NTNG1: variants seen among roughly 807,000 people sequenced by gnomAD.
The protein encoded by NTNG1 is netrin G1, also known as netrin-G1.
Under a neutral mutation model 54.0 loss-of-function variants are expected in NTNG1, and 16 were observed. The observed-to-expected ratio is 0.30, with a 90% CI of 0.20 to 0.45. The LOEUF (loss-of-function observed/expected upper bound fraction) is 0.45. Ranked by LOEUF, NTNG1 falls within the 20% of genes least tolerant of loss-of-function variation. The probability of loss-of-function intolerance (pLI) is 1.00; values close to 1 mark genes in which losing one functional copy is unlikely to be tolerated. For missense variants in NTNG1, 530 were observed against 678.7 expected (o/e 0.78, Z 2.43); for synonymous variants, 255 against 263.1 (o/e 0.97, Z 0.30).
intron 7 of NTNG1, among the ~76,000 whole-genome samples, chr1:107,441,154 A>G (rs1432762104): frequency 2.6e-5 from 4 of 152,154 alleles, no homozygotes; most frequent in African/African-American, 9.6e-5. Context: ...TATATAAAAT[A>G]TGAAGGGTTA....
chr1:107,295,790 GACAGAATC>G (rs1665909868), intron 2 of NTNG1, among the ~76,000 whole-genome samples: 1 of 152,118 alleles, frequency 6.6e-6, no homozygotes, highest in East Asian at 1.9e-4. Flanking sequence ...AGTAAATGAT[GACAGAATC>G]AAGAATCAAA....
intron 3 of NTNG1, among the ~76,000 whole-genome samples, chr1:107,379,948 C>T (rs1017600493): frequency 2.0e-5 from 3 of 152,182 alleles, no homozygotes; most frequent in Admixed American, 6.5e-5. Context: ...GGAAAAAATA[C>T]TGGAGTATTT....
chr1:107,415,553 G>A (rs751995043), intron 5 of NTNG1, among the ~76,000 whole-genome samples: 2 of 152,050 alleles, frequency 1.3e-5, no homozygotes, highest in South Asian at 2.1e-4. Context: ...CCTCAGTGGC[G>A]GAACGGGGAT....
intron 3 of NTNG1, among the ~76,000 whole-genome samples, chr1:107,358,434 G>A (rs1398282715): frequency 6.6e-6 from 1 of 151,636 alleles, no homozygotes; most frequent in Non-Finnish European, 1.5e-5. Context: ...ATTTGGTCAC[G>A]AGTGGGGGTT....
intron 2 of NTNG1, among the ~76,000 whole-genome samples, chr1:107,226,676 C>A (rs1034272252): frequency 6.6e-6 from 1 of 152,100 alleles, no homozygotes; most frequent in African/African-American, 2.4e-5. Flanking sequence ...CTTTGACTGT[C>A]TATACTTTCA....
At chr1:107,155,541 A>G (rs1654925344) in intron 2 of NTNG1, among the ~76,000 whole-genome samples, 1 of 152,042 alleles carries the variant, frequency 6.6e-6, no homozygotes, top group African/African-American at 2.4e-5. Context: ...GCACCTCATT[A>G]GATCTTATTG....
chr1:107,453,620 C>T (rs1300828982), intron 7 of NTNG1, among the ~76,000 whole-genome samples: 6 of 152,150 alleles, frequency 3.9e-5, no homozygotes, highest in Non-Finnish European at 7.3e-5. Flanking sequence ...CTGCTGACTA[C>T]GTCTTTCTTT....
intron 2 of NTNG1, among the ~76,000 whole-genome samples, chr1:107,226,085 T>C (rs988704959): frequency 6.6e-6 from 1 of 152,176 alleles, no homozygotes; most frequent in Non-Finnish European, 1.5e-5. Context: ...CAAAGTTATA[T>C]AGCTTGTGAG....
intron 2 of NTNG1, among the ~76,000 whole-genome samples, chr1:107,159,973 TA>T (rs1214106174): frequency 3.3e-5 from 5 of 152,316 alleles, no homozygotes; most frequent in East Asian, 1.9e-4. Flanking sequence ...ATTCATCATG[TA>T]AAAAACAGAA....
intron 3 of NTNG1, among the ~76,000 whole-genome samples, chr1:107,348,256 G>T (rs1347521393): frequency 5.9e-5 from 9 of 152,052 alleles, no homozygotes; most frequent in African/African-American, 1.9e-4. Context: ...CTCCTGAGTA[G>T]CTGGGACAAC....
chr1:107,361,824 A>G (rs985169449), intron 3 of NTNG1, among the ~76,000 whole-genome samples: 20 of 152,342 alleles, frequency 1.3e-4, no homozygotes, highest in African/African-American at 4.1e-4. Context: ...AATAATCTGA[A>G]GAAAGAGTGT....
chr1:107,466,497 C>T (rs1677618344), intron 7 of NTNG1, among the ~76,000 whole-genome samples: 1 of 152,120 alleles, frequency 6.6e-6, no homozygotes, highest in Admixed American at 6.5e-5. Flanking sequence ...ACTCCCTATT[C>T]ATATAAAAGT....
intron 2 of NTNG1, among the ~76,000 whole-genome samples, chr1:107,300,095 C>T (rs1329368617): frequency 6.6e-6 from 1 of 152,124 alleles, no homozygotes; most frequent in Non-Finnish European, 1.5e-5. Context: ...TATAGCAAAA[C>T]AAGAATGCGG....
intron 2 of NTNG1, among the ~76,000 whole-genome samples, chr1:107,280,763 T>C (rs2101725564): frequency 6.6e-6 from 1 of 151,766 alleles, no homozygotes; most frequent in African/African-American, 2.4e-5. Flanking sequence ...GGACCACAAA[T>C]GCCAAAATAA....
At chr1:107,151,329 G>A (rs546274777) in intron 2 of NTNG1, among the ~76,000 whole-genome samples, 1 of 152,256 alleles carries the variant, frequency 6.6e-6, no homozygotes, top group South Asian at 2.1e-4. Context: ...GTCTCAGGAT[G>A]CTGTCATATC....
At chr1:107,395,078 G>A in intron 3 of NTNG1, 76 bp from the exon 4 acceptor site, 1 of 1,169,416 alleles carries the variant, frequency 8.6e-7, no homozygotes, top group South Asian at 1.4e-5. Flanking sequence ...GGTTTGAGGA[G>A]ACAAATCAGG....
intron 3 of NTNG1, among the ~76,000 whole-genome samples, chr1:107,361,602 G>A (rs543781606): frequency 1.3e-5 from 2 of 151,382 alleles, no homozygotes; most frequent in Non-Finnish European, 2.9e-5. Flanking sequence ...TGGTCAGGCT[G>A]GTCTCAAACT....
chr1:107,328,140 A>G lies in NTNG1; in HGVS notation c.887+3218A>G, dbSNP rs117170144. Among the ~76,000 whole-genome samples, 13 of 152,268 alleles carry G rather than the reference A, an allele frequency of 8.5e-5. No individual in the cohort carries two copies. The East Asian group carries it at 2.5e-3, about 29-fold the overall frequency. ...AGATAATGAAGGAAAAAGAGGAAAC[A>G]TGGCTGTTGGCAATTTCAGCAGCTC... On this transcript the variant is annotated intron_variant, in intron 3 of 7. Coordinates refer to ENST00000370068, the MANE Select transcript of NTNG1 (RefSeq NM_001113226.3).
intron 1 of NTNG1, among the ~76,000 whole-genome samples, chr1:107,147,055 C>G (rs1181654040): frequency 6.6e-6 from 1 of 151,822 alleles, no homozygotes; most frequent in Non-Finnish European, 1.5e-5. Flanking sequence ...TTTTTAATAC[C>G]TGGTTTCCAA....
Sources: gnomAD v4.1 joint callset for allele counts (sites outside exome capture counted in the v4.1 genomes callset) on GRCh38, gnomAD v4.1.1 for gene constraint, MANE v1.5 for transcripts, NCBI Gene and HGNC (gene_info 2026-07-23, HGNC 2026-07-21) for gene names.